Variants in DNAH11 observed in about 807,000 individuals in gnomAD.
DNAH11 encodes the protein dynein axonemal heavy chain 11.
In DNAH11, 442 loss-of-function variants were observed where a neutral mutation model predicts 526.0. That is an observed-to-expected ratio of 0.84 (90% CI 0.78 to 0.91). DNAH11 has a LOEUF of 0.91. DNAH11 is among the 40% of genes least tolerant of loss of function. The pLI, the probability that DNAH11 is intolerant of heterozygous loss-of-function variation, is 0.00. For synonymous variants in DNAH11, 2,461 were observed against 1,935.9 expected (o/e 1.27, Z -7.12); for missense variants, 6,989 against 5,448.7 (o/e 1.28, Z -8.90).
At chr7:21,682,194 T>C (rs180988282) in intron 31 of DNAH11, among the ~76,000 whole-genome samples, 65 of 152,322 alleles carry the variant, frequency 4.3e-4, no homozygotes, top group Non-Finnish European at 6.8e-4. Context: ...AGTTATTTTC[T>C]AATTCTTTTA....
chr7:21,568,483 G>C (rs1181566923), intron 6 of DNAH11, among the ~76,000 whole-genome samples: 1 of 152,150 alleles, frequency 6.6e-6, no homozygotes, highest in Non-Finnish European at 1.5e-5. Context: ...CCCCTAGTAG[G>C]GTCACAGCCA....
intron 30 of DNAH11, among the ~76,000 whole-genome samples, chr7:21,673,159 C>A (rs6973998): frequency 6.6e-6 from 1 of 152,090 alleles, no homozygotes; most frequent in East Asian, 1.9e-4. Flanking sequence ...TCTCTACTTA[C>A]CACAATCATT....
In DNAH11 at chr7:21,570,182, C is replaced by T; in HGVS notation, c.1308C>T (p.Asn436=). 6.2e-7 allele frequency: 1 copy of T among 1,613,364 alleles called. No individual in the cohort carries two copies. Among genetic ancestry groups the T allele is most frequent in the South Asian group, 1.1e-5 (1 of 91,046 alleles). Residue 436 remains asparagine (N), a synonymous_variant, in exon 7 of 82, where the codon AAC becomes AAT. Coordinates refer to ENST00000409508, the MANE Select transcript of DNAH11 (RefSeq NM_001277115.2). The stretch of plus-strand genomic sequence containing the variant: ...AGACTTTCAAAAACTCCTTTTTCAA[C>T]TATAGAAAAAAATTGGCAAGCTACT... ...ILKTFKNSFF[N]YRKKLASYFM... is the part of the protein sequence containing the mutation.
At chr7:21,718,442 A>G (rs375264280) in intron 43 of DNAH11, among the ~76,000 whole-genome samples, 1 of 152,202 alleles carries the variant, frequency 6.6e-6, no homozygotes, top group Non-Finnish European at 1.5e-5. Flanking sequence ...TCTACCACCT[A>G]GGTGCCACCA....
Position 21,591,319 on chromosome 7 carries a change from G to A in DNAH11, c.2409G>A (p.Leu803=), listed in dbSNP as rs1048426613. ...DEQLTAATTW[L]TWQDDCWGYI... ...AGCTGACAGCAGCCACAACGTGGCT[G>A]ACATGGCAGGATGACTGCTGGGGCT... The change falls in exon 14 of 82, where the codon CTG becomes CTA. Residue 803 remains leucine (L), a synonymous_variant. Coordinates refer to ENST00000409508, the MANE Select transcript of DNAH11 (RefSeq NM_001277115.2). 30 of 1,613,846 alleles carry A rather than the reference G, an allele frequency of 1.9e-5. No homozygotes were observed. The highest frequency in any genetic ancestry group is 2.5e-5 in the Non-Finnish European group (29 of 1,179,860).
chr7:21,668,745 C>T (rs1782521505), intron 30 of DNAH11, among the ~76,000 whole-genome samples: 1 of 152,138 alleles, frequency 6.6e-6, no homozygotes, highest in African/African-American at 2.4e-5. Flanking sequence ...TGTTACTTGA[C>T]ATTTGGGTTT....
intron 48 of DNAH11, among the ~76,000 whole-genome samples, chr7:21,740,320 C>T (rs1325860878): frequency 2.6e-5 from 4 of 152,136 alleles, no homozygotes; most frequent in Non-Finnish European, 5.9e-5. Flanking sequence ...AAGATCACCA[C>T]CCATCTCCAT....
intron 74 of DNAH11, among the ~76,000 whole-genome samples, chr7:21,880,499 T>G (rs779961464): frequency 1.1e-4 from 17 of 152,208 alleles, no homozygotes; most frequent in Non-Finnish European, 2.5e-4. Context: ...TGAAGCAAAA[T>G]AAAAGTATTC....
At chr7:21,560,380 T>A (rs1783405327) in intron 4 of DNAH11, among the ~76,000 whole-genome samples, 1 of 152,044 alleles carries the variant, frequency 6.6e-6, no homozygotes, top group Admixed American at 6.6e-5. Context: ...GATCACAAGG[T>A]AAAATTCTAC....
chr7:21,708,393 G>T (rs1036603595), intron 40 of DNAH11, among the ~76,000 whole-genome samples: 1 of 152,244 alleles, frequency 6.6e-6, no homozygotes, highest in Non-Finnish European at 1.5e-5. Flanking sequence ...GTGAATTCCA[G>T]TTCTTCTCGC....
chr7:21,590,963 A>G lies in DNAH11; in HGVS notation c.2215A>G (p.Lys739Glu). 2.0e-6 allele frequency: 3 copies of G among 1,519,752 alleles called. No individual in the cohort carries two copies. The highest frequency in any genetic ancestry group is 2.5e-5 in the East Asian group (1 of 39,688). The allele number at this position is 1,519,752 out of a possible 1,614,324, so 94.1% of individuals were successfully genotyped here. A position where few individuals can be genotyped will look rare whatever the true frequency, so the allele number is the denominator to read the frequency against. ...REVKYLLMLK[K>E]QDIPDSALAI... ...AGTGAAATATCTTTTGATGTTGAAG[A>G]AACAAGACATACCAGATTCAGCTTT... The change falls in exon 13 of 82, where the codon AAA becomes GAA. Residue 739 changes from lysine to glutamate, a missense_variant. Lys to Glu is a moderately conservative substitution (Grantham distance 56). Coordinates refer to ENST00000409508, the MANE Select transcript of DNAH11 (RefSeq NM_001277115.2).
intron 30 of DNAH11, among the ~76,000 whole-genome samples, chr7:21,678,812 C>T (rs988946056): frequency 2.0e-5 from 3 of 152,050 alleles, no homozygotes; most frequent in Non-Finnish European, 4.4e-5. Context: ...TTATGGAAAA[C>T]ATTATGAACA....
At chr7:21,623,649 G>C (rs1367409714) in intron 25 of DNAH11, among the ~76,000 whole-genome samples, 1 of 152,028 alleles carries the variant, frequency 6.6e-6, no homozygotes, top group Non-Finnish European at 1.5e-5. Flanking sequence ...AAAATGATGA[G>C]TTCATGTCCT....
intron 36 of DNAH11, among the ~76,000 whole-genome samples, 171 bp downstream of exon 36, chr7:21,698,384 G>A (rs1037152025): frequency 6.6e-6 from 1 of 152,134 alleles, no homozygotes; most frequent in Non-Finnish European, 1.5e-5. Context: ...ACATGGATAA[G>A]TTCTTTAGTG....
intron 8 of DNAH11, among the ~76,000 whole-genome samples, 196 bp from the exon 9 acceptor site, chr7:21,581,709 C>G (rs962663135): frequency 2.0e-5 from 3 of 152,086 alleles, no homozygotes; most frequent in African/African-American, 7.3e-5. Context: ...TTCAGTGATT[C>G]TGTAAGGTGG....
intron 74 of DNAH11, among the ~76,000 whole-genome samples, chr7:21,874,068 G>A (rs1783606353): frequency 6.6e-6 from 1 of 151,950 alleles, no homozygotes; most frequent in Admixed American, 6.6e-5. Context: ...TGGGATTACA[G>A]ACATGAGCCA....
chr7:21,816,333 C>A, intron 63 of DNAH11, 134 bp from the exon 64 acceptor site: 1 of 690,838 alleles, frequency 1.4e-6, no homozygotes, highest in Non-Finnish European at 2.5e-6. Context: ...TTGTGTTTGG[C>A]TTCTGAGAAT....
intron 77 of DNAH11, among the ~76,000 whole-genome samples, chr7:21,893,250 T>C (rs1478448536): frequency 6.6e-6 from 1 of 152,248 alleles, no homozygotes; most frequent in East Asian, 1.9e-4. Flanking sequence ...GCTTTAATAG[T>C]ATTCCCAATC....
At chr7:21,570,362 C>T in intron 7 of DNAH11, 63 bp downstream of exon 7, 1 of 1,309,814 alleles carries the variant, frequency 7.6e-7, no homozygotes, top group Non-Finnish European at 1.1e-6. Flanking sequence ...AGTAGCTTTT[C>T]ACATGATTCA....
Sources: gnomAD v4.1 joint callset for allele counts (sites outside exome capture counted in the v4.1 genomes callset) on GRCh38, gnomAD v4.1.1 for gene constraint, MANE v1.5 for transcripts, NCBI Gene and HGNC (gene_info 2026-07-23, HGNC 2026-07-21) for gene names.